The following SUGCT variants were observed in gnomAD, a reference collection of about 807,000 sequenced individuals.
The protein encoded by SUGCT is succinyl-CoA:glutarate CoA-transferase.
In SUGCT, 41 loss-of-function variants were observed where a neutral mutation model predicts 55.0. That is an observed-to-expected ratio of 0.74 (90% CI 0.58 to 0.97). SUGCT has a LOEUF of 0.97. Ranked by LOEUF, SUGCT falls within the 50% of genes least tolerant of loss-of-function variation. The pLI is 0.00. For synonymous variants in SUGCT, 187 were observed against 200.4 expected, an observed-to-expected ratio of 0.93 and a Z score of 0.56; for missense variants, 568 against 547.8, an observed-to-expected ratio of 1.04 and a Z score of -0.37.
intron 9 of SUGCT, among the ~76,000 whole-genome samples, chr7:40,394,461 T>C (rs1785609841): frequency 6.6e-6 from 1 of 152,228 alleles, no homozygotes; most frequent in Non-Finnish European, 1.5e-5. Context: ...TGAAATTTTA[T>C]TATGACTTAA....
At chr7:40,445,315 T>G (rs1026019609) in intron 9 of SUGCT, among the ~76,000 whole-genome samples, 1 of 152,062 alleles carries the variant, frequency 6.6e-6, no homozygotes, top group Non-Finnish European at 1.5e-5. Flanking sequence ...ATAAAGGGGA[T>G]ATCACCACTG....
At chr7:40,918,070 A>G in the SUGCT span, among the ~76,000 whole-genome samples, 26,373 of 152,032 alleles carry the variant, frequency 0.17, 2,950 homozygotes, top group African/African-American at 0.32. Context: ...GAGGTGGGAA[A>G]TGTTTCCTAG....
At chr7:40,290,145 G>T (rs1040363974) in intron 8 of SUGCT, among the ~76,000 whole-genome samples, 50 of 151,870 alleles carry the variant, frequency 3.3e-4, no homozygotes, top group African/African-American at 1.2e-3. Flanking sequence ...CACAGAATTG[G>T]AAAAAACTAC....
chr7:40,876,839 G>T, the SUGCT span, among the ~76,000 whole-genome samples: 3 of 152,150 alleles, frequency 2.0e-5, no homozygotes, highest in Non-Finnish European at 4.4e-5. Context: ...TTCCTGCTGT[G>T]AACAGACACT....
At chr7:40,202,739 AC>A (rs1040283131) in intron 6 of SUGCT, among the ~76,000 whole-genome samples, 6 of 152,048 alleles carry the variant, frequency 3.9e-5, no homozygotes, top group Non-Finnish European at 7.4e-5. Context: ...TAGTTCTCCC[AC>A]TTCAGTCCCT....
chr7:40,898,640 C>T, the SUGCT span, among the ~76,000 whole-genome samples: 11 of 151,772 alleles, frequency 7.2e-5, no homozygotes, highest in African/African-American at 2.7e-4. Flanking sequence ...AGGAGAATGG[C>T]GTGAACCGTG....
At chr7:40,885,103 T>G in the SUGCT span, among the ~76,000 whole-genome samples, 6 of 152,028 alleles carry the variant, frequency 3.9e-5, no homozygotes, top group South Asian at 1.2e-3. Flanking sequence ...CACTAAAGAG[T>G]GGCTAGTGAT....
At chr7:40,403,341 T>G (rs1786184881) in intron 9 of SUGCT, among the ~76,000 whole-genome samples, 1 of 152,180 alleles carries the variant, frequency 6.6e-6, no homozygotes. Context: ...ATAAGACTTG[T>G]CATGAAGAAT....
intron 7 of SUGCT, among the ~76,000 whole-genome samples, chr7:40,256,864 C>T (rs562052727): frequency 9.2e-5 from 14 of 152,022 alleles, no homozygotes; most frequent in Non-Finnish European, 1.8e-4. Context: ...TTGCTCTGGC[C>T]TCCTGAGTAG....
intron 11 of SUGCT, among the ~76,000 whole-genome samples, chr7:40,487,919 TAGTCA>T (rs1190579100): frequency 6.6e-6 from 1 of 152,096 alleles, no homozygotes; most frequent in Non-Finnish European, 1.5e-5. Flanking sequence ...GAGTCTCTTC[TAGTCA>T]GCATACTACA....
intron 7 of SUGCT, among the ~76,000 whole-genome samples, chr7:40,259,695 G>A (rs1013878938): frequency 1.6e-4 from 25 of 152,102 alleles, no homozygotes; most frequent in African/African-American, 5.1e-4. Flanking sequence ...TTTACTTACC[G>A]ACATTCATTT....
chr7:40,936,443 C>T, the SUGCT span, among the ~76,000 whole-genome samples: 1 of 151,706 alleles, frequency 6.6e-6, no homozygotes, highest in East Asian at 1.9e-4. Context: ...ATAATGTTCC[C>T]TCTTTCACTC....
rs1562681083 is a variant in SUGCT at position 40,324,248 on chromosome 7, A to ATATATATATATATATATAT, written c.816+7393_816+7394insTATATATATATATATATAT. On this transcript the variant is annotated intron_variant, in intron 9 of 13. Transcript: ENST00000335693. The stretch of plus-strand genomic sequence containing the variant: ...GATCATATATATAAATAAATAAATA[A>ATATATATATATATATATAT]ATAAATATATATATATTTATTTTTT... Among the ~76,000 whole-genome samples the ATATATATATATATATATAT allele has an allele frequency of 4.3e-4, 48 of 111,020 alleles. 1 individual carries two copies. The highest frequency in any genetic ancestry group is 4.8e-3 in the Middle Eastern group (1 of 210). The allele number at this position is 111,020 out of a possible 152,430, so 72.8% of individuals were successfully genotyped here.
chr7:40,627,530 C>T (rs1033668702), intron 12 of SUGCT, among the ~76,000 whole-genome samples: 2 of 152,176 alleles, frequency 1.3e-5, no homozygotes, highest in Non-Finnish European at 2.9e-5. Flanking sequence ...AGTTGCACTT[C>T]TGTGCAAACA....
intron 12 of SUGCT, among the ~76,000 whole-genome samples, chr7:40,724,908 T>C (rs1156847005): frequency 6.6e-6 from 1 of 152,194 alleles, no homozygotes; most frequent in Non-Finnish European, 1.5e-5. Context: ...CTTTTAAACA[T>C]CTATTCTGCT....
rs926612877 is a variant in SUGCT at position 40,663,281 on chromosome 7, A to G, written c.1090-86153A>G. Among the ~76,000 whole-genome samples the G allele has an allele frequency of 5.3e-4, 78 of 148,226 alleles. No homozygotes were observed. The Middle Eastern group carries it at 0.011, about 21-fold the overall frequency. On this transcript the variant is annotated intron_variant, in intron 12 of 13. Coordinates refer to ENST00000335693, the MANE Select transcript of SUGCT (RefSeq NM_001193313.2). ...TTAACTTTTTCTTGCTTACTAATGT[A>G]ATACATGTATATTTCAAAAAAAAAA... is the stretch of plus-strand genomic sequence containing the variant.
At chr7:40,965,562 T>C in the SUGCT span, 1 of 152,260 alleles carries the variant, frequency 6.6e-6, no homozygotes, top group African/African-American at 2.4e-5. Context: ...CTATTTCTAA[T>C]GTCAACATTA....
intron 12 of SUGCT, among the ~76,000 whole-genome samples, chr7:40,675,443 TGTG>T (rs1783924517): frequency 6.6e-6 from 1 of 152,160 alleles, no homozygotes; most frequent in South Asian, 2.1e-4. Context: ...GTGTAGAAAA[TGTG>T]GTGTGTTTTA....
chr7:40,176,061 G>A (rs1024231642), intron 1 of SUGCT, among the ~76,000 whole-genome samples: 1 of 151,988 alleles, frequency 6.6e-6, no homozygotes, highest in African/African-American at 2.4e-5. Context: ...GCGAAACCCC[G>A]TCTCTACTAA....
Sources: gnomAD v4.1 joint callset for allele counts (sites outside exome capture counted in the v4.1 genomes callset) on GRCh38, gnomAD v4.1.1 for gene constraint, MANE v1.5 for transcripts, NCBI Gene and HGNC (gene_info 2026-07-23, HGNC 2026-07-21) for gene names.